Variants in ANKFN1 observed in about 807,000 individuals in gnomAD.
ANKFN1 encodes the protein ankyrin repeat and fibronectin type III domain containing 1.
In ANKFN1, 74 loss-of-function variants were observed where a neutral mutation model predicts 108.7. That is an observed-to-expected ratio of 0.68 (90% CI 0.56 to 0.83). ANKFN1 has a LOEUF of 0.83. Among genes scored for constraint, ANKFN1 ranks in the 40% least tolerant of loss-of-function variants. ANKFN1 has a pLI of 0.00. For missense variants in ANKFN1, 1,505 were observed against 1,382.3 expected (o/e 1.09, Z -1.41); for synonymous variants, 547 against 516.2 (o/e 1.06, Z -0.81).
In ANKFN1 at chr17:56,093,956, A is replaced by G. The variant is rs909756474; in HGVS notation, c.288+47631A>G. On this transcript the variant is annotated intron_variant, in intron 4 of 12. Coordinates refer to the ANKFN1 transcript ENST00000635860. ...AGAAGTAATGAATTTAAAGTGAAGT[A>G]ATCGGGTAAGTCCTCATCCATTATA... Among the ~76,000 whole-genome samples, 2 of 151,350 alleles carry G rather than the reference A, an allele frequency of 1.3e-5. 1 individual carries two copies. Among genetic ancestry groups the G allele is most frequent in the Non-Finnish European group, 3.0e-5 (2 of 67,768 alleles).
chr17:56,386,803 G>T (rs2047289379), intron 8 of ANKFN1, among the ~76,000 whole-genome samples: 1 of 151,778 alleles, frequency 6.6e-6, no homozygotes, highest in Non-Finnish European at 1.5e-5. Flanking sequence ...TCTACTGTAG[G>T]TTTCTGGTGG....
chr17:56,288,400 T>A (rs954500053), intron 3 of ANKFN1, among the ~76,000 whole-genome samples: 1 of 152,130 alleles, frequency 6.6e-6, no homozygotes, highest in African/African-American at 2.4e-5. Context: ...CTTGAGAACT[T>A]CCCATAGGAG....
intron 4 of ANKFN1, among the ~76,000 whole-genome samples, chr17:56,061,235 C>CATTCTCTG (rs1904968999): frequency 7.3e-6 from 1 of 136,910 alleles, no homozygotes; most frequent in East Asian, 2.1e-4. Context: ...GTATGTATAG[C>CATTCTCTG]ATTCTCTGAT....
intron 1 of ANKFN1, among the ~76,000 whole-genome samples, chr17:56,202,533 T>G (rs1011765417): frequency 2.0e-5 from 3 of 152,214 alleles, no homozygotes; most frequent in Non-Finnish European, 4.4e-5. Flanking sequence ...CTATGTATGA[T>G]GAACCAAAGA....
intron 4 of ANKFN1, among the ~76,000 whole-genome samples, chr17:56,063,475 T>G (rs1178837223): frequency 6.6e-6 from 1 of 152,030 alleles, no homozygotes; most frequent in Non-Finnish European, 1.5e-5. Flanking sequence ...TAGTCTTGTC[T>G]GTATGCCTTA....
At chr17:56,102,411 G>A (rs1598095599) in intron 4 of ANKFN1, among the ~76,000 whole-genome samples, 1 of 152,260 alleles carries the variant, frequency 6.6e-6, no homozygotes, top group Admixed American at 6.5e-5. Context: ...GGCTAATTAT[G>A]TTCCCTACAT....
At chr17:56,189,870 TAGAG>T (rs1912710792) in intron 1 of ANKFN1, among the ~76,000 whole-genome samples, 1 of 151,860 alleles carries the variant, frequency 6.6e-6, no homozygotes, top group South Asian at 2.1e-4. Flanking sequence ...TGGAACAAAA[TAGAG>T]AGCACGGAAG....
chr17:56,463,690 A>G (rs1368287242), intron 14 of ANKFN1: 1 of 152,258 alleles, frequency 6.6e-6, no homozygotes, highest in South Asian at 2.1e-4. Flanking sequence ...AGATTGTGCT[A>G]AACTTTCCTC....
chr17:56,515,914 TAAAG>T lies in ANKFN1; in HGVS notation c.*4646_*4649del, dbSNP rs1456940972. On this transcript the variant is annotated 3_prime_UTR_variant, in exon 21 of 21. Coordinates refer to ENST00000682825, the MANE Select transcript of ANKFN1 (RefSeq NM_001370326.1). ...GGCTGTGAAAAATATTCTATTGTGA[TAAAG>T]GAAGTAGATTTGTTGTTGTTTTAAA... Among the ~76,000 whole-genome samples, 7 of 152,344 alleles carry T rather than the reference TAAAG, an allele frequency of 4.6e-5. No individual in the cohort carries two copies. Among genetic ancestry groups the T allele is most frequent in the African/African-American group, 1.4e-4 (6 of 41,586 alleles).
At chr17:56,212,965 C>T (rs1915130849) in intron 2 of ANKFN1, among the ~76,000 whole-genome samples, 2 of 152,188 alleles carry the variant, frequency 1.3e-5, no homozygotes, top group Non-Finnish European at 2.9e-5. Context: ...TAAAGCTGTT[C>T]ACAATAGCTG....
chr17:56,217,864 A>G (rs1915537279), intron 2 of ANKFN1, among the ~76,000 whole-genome samples: 1 of 152,168 alleles, frequency 6.6e-6, no homozygotes. Context: ...TCCCTGAAGA[A>G]TAATTAGTGA....
At chr17:56,370,908 C>G (rs2046792472) in intron 6 of ANKFN1, among the ~76,000 whole-genome samples, 1 of 151,158 alleles carries the variant, frequency 6.6e-6, no homozygotes, top group African/African-American at 2.4e-5. Flanking sequence ...CTAATATTGC[C>G]AATTTTTCCA....
At chr17:56,368,105 A>G in intron 6 of ANKFN1, 1 of 1,128,688 alleles carries the variant, frequency 8.9e-7, no homozygotes, top group Admixed American at 2.7e-5. Context: ...CTGTAACACC[A>G]GATGTTAGTG....
At position 56,511,386 on chromosome 17, in the gene ANKFN1, AAT is replaced by A; in HGVS notation, c.*119_*120del. The A allele has an allele frequency of 8.7e-7, 1 of 1,144,702 alleles. No homozygotes were observed. Among genetic ancestry groups the A allele is most frequent in the Non-Finnish European group, 1.2e-6 (1 of 835,952 alleles). 70.9% of individuals were successfully genotyped at this position (1,144,702 alleles called of 1,614,324 possible). ...ATTTTCAAGCGTTTTGAATGTTATA[AAT>A]ACAAAGGTTACAAGTTCAAGGTCCT... On this transcript the variant is annotated 3_prime_UTR_variant, in exon 21 of 21. Transcript: ENST00000682825.
chr17:56,458,071 G>T, intron 14 of ANKFN1, 92 bp downstream of exon 14: 2 of 1,055,048 alleles, frequency 1.9e-6, no homozygotes, highest in Non-Finnish European at 2.8e-6. Context: ...GGAAAAGGAT[G>T]GGCTCCCTTC....
chr17:56,329,703 T>C (rs975901627), intron 4 of ANKFN1, among the ~76,000 whole-genome samples: 4 of 152,184 alleles, frequency 2.6e-5, no homozygotes, highest in African/African-American at 9.7e-5. Context: ...AATACGTTGA[T>C]ACATGTAAAA....
chr17:56,255,456 G>A (rs1350222163), intron 3 of ANKFN1, among the ~76,000 whole-genome samples: 1 of 152,196 alleles, frequency 6.6e-6, no homozygotes, highest in Non-Finnish European at 1.5e-5. Context: ...CTCAGGCAGT[G>A]TGGGAGGGAT....
At chr17:56,113,752 T>G (rs1310573957) in intron 4 of ANKFN1, among the ~76,000 whole-genome samples, 2 of 152,194 alleles carry the variant, frequency 1.3e-5, no homozygotes, top group African/African-American at 4.8e-5. Context: ...TTACTATTGT[T>G]ATCATAAGTC....
intron 8 of ANKFN1, among the ~76,000 whole-genome samples, chr17:56,399,051 C>T (rs1469607514): frequency 6.6e-6 from 1 of 152,048 alleles, no homozygotes; most frequent in Non-Finnish European, 1.5e-5. Context: ...AATGATGTCA[C>T]ATACCAGTGA....
Sources: gnomAD v4.1 joint callset for allele counts (sites outside exome capture counted in the v4.1 genomes callset) on GRCh38, gnomAD v4.1.1 for gene constraint, MANE v1.5 for transcripts, NCBI Gene and HGNC (gene_info 2026-07-23, HGNC 2026-07-21) for gene names.